The following PPP3R1 variants were observed in gnomAD, a reference collection of about 807,000 sequenced individuals.
PPP3R1 encodes the protein protein phosphatase 3 regulatory subunit B, alpha.
PPP3R1 carries 5 observed loss-of-function variants against 22.6 expected under a neutral mutation model. The observed-to-expected ratio is 0.22, with a 90% CI of 0.12 to 0.46. The LOEUF (loss-of-function observed/expected upper bound fraction) is 0.46, where lower values mean the gene tolerates loss of function less well. Ranked by LOEUF, PPP3R1 falls within the 20% of genes least tolerant of loss-of-function variation. PPP3R1 has a pLI of 0.99. For missense variants in PPP3R1, 61 were observed against 203.2 expected (o/e 0.30, Z 4.25); for synonymous variants, 56 against 65.2 (o/e 0.86, Z 0.68).
chr2:68,250,043 T>C (rs1211168601), intron 1 of PPP3R1, among the ~76,000 whole-genome samples: 1 of 152,112 alleles, frequency 6.6e-6, no homozygotes, highest in African/African-American at 2.4e-5. Context: ...GGTATGGTCT[T>C]GATACTTTCA....
At chr2:68,188,364 T>C (rs1044962837) in intron 3 of PPP3R1, 150 bp downstream of exon 3, 6 of 527,342 alleles carry the variant, frequency 1.1e-5, no homozygotes, top group African/African-American at 2.0e-5. Context: ...TTCATTAAGG[T>C]GTATATGCCA....
intron 3 of PPP3R1, among the ~76,000 whole-genome samples, chr2:68,187,741 C>T (rs1336944409): frequency 6.6e-6 from 1 of 152,164 alleles, no homozygotes; most frequent in African/African-American, 2.4e-5. Context: ...GACAAATGAT[C>T]ATTTTTCTTC....
intron 1 of PPP3R1, among the ~76,000 whole-genome samples, chr2:68,243,432 G>A (rs1670169745): frequency 6.6e-6 from 1 of 152,108 alleles, no homozygotes; most frequent in Non-Finnish European, 1.5e-5. Flanking sequence ...AGGGCTACTG[G>A]AGAAAAGGCT....
At chr2:68,251,261 C>G (rs967288132) in intron 1 of PPP3R1, 2 of 152,184 alleles carry the variant, frequency 1.3e-5, no homozygotes, top group African/African-American at 4.8e-5. Context: ...GTCTGAAACA[C>G]TACAGCAGCG....
intron 1 of PPP3R1, among the ~76,000 whole-genome samples, chr2:68,234,588 G>A (rs1669980081): frequency 6.6e-6 from 1 of 152,200 alleles, no homozygotes; most frequent in South Asian, 2.1e-4. Context: ...AATTTTAAAT[G>A]TCTTCCATAT....
chr2:68,184,374 TA>T (rs1396439431), intron 5 of PPP3R1, among the ~76,000 whole-genome samples: 2 of 152,216 alleles, frequency 1.3e-5, no homozygotes, highest in Non-Finnish European at 2.9e-5. Context: ...TTCAACTTTC[TA>T]AACGTTCTAA....
chr2:68,205,347 A>C (rs1401219524), intron 2 of PPP3R1, among the ~76,000 whole-genome samples: 3 of 150,580 alleles, frequency 2.0e-5, no homozygotes, highest in Non-Finnish European at 4.4e-5. Flanking sequence ...GGTTCAAGCA[A>C]TTCTCCTGCC....
Position 68,179,971 on chromosome 2 carries a change from T to A in PPP3R1, c.*992A>T, listed in dbSNP as rs907572883. ...AGGGAATTCATGATTCAAACACAAG[T>A]TTAATGACAAATTATTTACCCATGT... On this transcript the variant is annotated 3_prime_UTR_variant, in exon 6 of 6. Transcript: ENST00000234310. 56 of 152,330 alleles carry A rather than the reference T, an allele frequency of 3.7e-4. No individual in the cohort carries two copies. The highest frequency in any genetic ancestry group is 1.3e-3 in the African/African-American group (52 of 41,576). The allele number at this position is 152,330 out of a possible 1,614,324, so 9.4% of individuals were successfully genotyped here.
At chr2:68,229,965 TACACACATACACACAC>T (rs1485355063) in intron 1 of PPP3R1, among the ~76,000 whole-genome samples, 5 of 49,492 alleles carry the variant, frequency 1.0e-4, no homozygotes, top group African/African-American at 5.6e-4. Flanking sequence ...TGTGTATATA[TACACACATACACACAC>T]ACACACACAC....
intron 2 of PPP3R1, among the ~76,000 whole-genome samples, chr2:68,207,222 A>G (rs1303129735): frequency 1.1e-4 from 2 of 17,750 alleles, no homozygotes; most frequent in African/African-American, 1.0e-3. Context: ...AAAATATGAT[A>G]AAAAAAAAAA....
At chr2:68,249,785 A>C (rs1670307340) in intron 1 of PPP3R1, among the ~76,000 whole-genome samples, 1 of 152,182 alleles carries the variant, frequency 6.6e-6, no homozygotes, top group Non-Finnish European at 1.5e-5. Flanking sequence ...CCTGTCAGAA[A>C]AGATCCTTGA....
At chr2:68,190,421 C>T (rs775103301) in intron 2 of PPP3R1, among the ~76,000 whole-genome samples, 19 of 151,930 alleles carry the variant, frequency 1.3e-4, no homozygotes, top group Non-Finnish European at 2.1e-4. Flanking sequence ...AAAAATTAGC[C>T]GGGAGTGATG....
chr2:68,207,195 T>G lies in PPP3R1; in HGVS notation c.43+9897A>C, dbSNP rs544365646. Among the ~76,000 whole-genome samples the G allele has an allele frequency of 2.7e-5, 4 of 146,372 alleles. No individual in the cohort carries two copies. The East Asian group carries it at 6.0e-4, about 22-fold the overall frequency. Reference sequence around the variant, plus strand: ...GTGGAGAAGGTCATTTTTGGGAAATTGATCCAAATAGTCAGGAAAATATGA... The same window carrying G: ...GTGGAGAAGGTCATTTTTGGGAAATGGATCCAAATAGTCAGGAAAATATGA... On this transcript the variant is annotated intron_variant, in intron 2 of 5. Transcript: ENST00000234310.
chr2:68,235,090 T>C (rs188975042), intron 1 of PPP3R1, among the ~76,000 whole-genome samples: 2 of 152,270 alleles, frequency 1.3e-5, no homozygotes, highest in South Asian at 2.1e-4. Context: ...AAGATTTGAG[T>C]TAGCAATGAG....
At chr2:68,209,353 T>C (rs1271580089) in intron 2 of PPP3R1, among the ~76,000 whole-genome samples, 6 of 57,214 alleles carry the variant, frequency 1.0e-4, no homozygotes, top group Admixed American at 9.0e-4. Flanking sequence ...AGCGAGACTC[T>C]GTCTCAAAAA....
intron 2 of PPP3R1, among the ~76,000 whole-genome samples, chr2:68,198,338 T>G (rs1489186051): frequency 3.3e-5 from 3 of 90,806 alleles, no homozygotes; most frequent in African/African-American, 1.5e-4. Flanking sequence ...TGTACATATA[T>G]GTACATGTAT....
In PPP3R1 at chr2:68,211,324, G is replaced by A. The variant is rs549207687; in HGVS notation, c.43+5768C>T. On this transcript the variant is annotated intron_variant, in intron 2 of 5. Coordinates refer to ENST00000234310, the MANE Select transcript of PPP3R1 (RefSeq NM_000945.4). ...CAGGAGGCTGAGGCAGGAGAATGGC[G>A]TGAACCTGGGAGGCGGAGCTTGCAG... Among the ~76,000 whole-genome samples, 202 of 146,926 alleles carry A rather than the reference G, an allele frequency of 1.4e-3. 1 individual carries two copies. Among genetic ancestry groups the A allele is most frequent in the African/African-American group, 4.9e-3 (192 of 38,978 alleles).
chr2:68,181,960 T>G (rs1233013442), intron 5 of PPP3R1, among the ~76,000 whole-genome samples: 2 of 151,778 alleles, frequency 1.3e-5, no homozygotes, highest in Non-Finnish European at 2.9e-5. Flanking sequence ...TTAATCTACA[T>G]AAAGAGAATG....
At chr2:68,250,044 G>C (rs899348266) in intron 1 of PPP3R1, among the ~76,000 whole-genome samples, 29 of 152,030 alleles carry the variant, frequency 1.9e-4, no homozygotes, top group African/African-American at 6.8e-4. Context: ...GTATGGTCTT[G>C]ATACTTTCAA....
Sources: allele counts gnomAD v4.1 joint callset (sites outside exome capture counted in the v4.1 genomes callset), GRCh38; gene constraint gnomAD v4.1.1; transcripts MANE v1.5; gene names NCBI Gene and HGNC (gene_info 2026-07-23, HGNC 2026-07-21).